The following RNF144A variants were observed in gnomAD, a reference collection of about 807,000 sequenced individuals.
RNF144A encodes the protein ring finger protein 144A, also known as E3 ubiquitin-protein ligase RNF144A.
Under a neutral mutation model 38.7 loss-of-function variants are expected in RNF144A, and 11 were observed. That is an observed-to-expected ratio of 0.28 (90% confidence interval 0.18 to 0.47). The LOEUF is 0.47. Among genes scored for constraint, RNF144A ranks in the 20% least tolerant of loss-of-function variants. RNF144A has a pLI of 0.99. For missense variants in RNF144A, 316 were observed against 377.2 expected, an observed-to-expected ratio of 0.84 and a Z score of 1.34; for synonymous variants, 149 against 143.9, an observed-to-expected ratio of 1.04 and a Z score of -0.25.
chr2:6,928,406 G>A (rs981743719), intron 1 of RNF144A, among the ~76,000 whole-genome samples: 8 of 152,168 alleles, frequency 5.3e-5, no homozygotes, highest in Non-Finnish European at 1.2e-4. Flanking sequence ...TCAGCGGTCA[G>A]GGCAGATGGC....
At position 6,997,055 on chromosome 2, in the gene RNF144A, T is replaced by C. The variant is rs751864457; in HGVS notation, c.129T>C (p.Cys43=). The C allele has an allele frequency of 3.7e-6, 6 of 1,614,034 alleles. No individual in the cohort carries two copies. Among genetic ancestry groups the C allele is most frequent in the Non-Finnish European group, 5.1e-6 (6 of 1,179,970 alleles). ...TAGCCCAGTGCCAATGCATCTTCTG[T>C]ACTCTGGTTGGTCTTTTTGGATAAA... ...TTIAQCQCIF[C]TLCLKQYVEL... is the part of the protein sequence containing the mutation. Residue 43 remains cysteine, a synonymous_variant, in exon 3 of 9, where the codon TGT becomes TGC. Transcript: ENST00000320892.
chr2:6,986,949 C>G (rs1325739037), intron 2 of RNF144A, among the ~76,000 whole-genome samples: 1 of 152,088 alleles, frequency 6.6e-6, no homozygotes, highest in Non-Finnish European at 1.5e-5. Context: ...GCATTACTCT[C>G]TGGTAGCCGA....
chr2:6,948,620 A>G (rs1666487955), intron 2 of RNF144A, among the ~76,000 whole-genome samples: 2 of 152,204 alleles, frequency 1.3e-5, no homozygotes, highest in African/African-American at 4.8e-5. Context: ...TGCCTGATAA[A>G]AATTTAGGAG....
chr2:6,968,535 G>C (rs536701004), intron 2 of RNF144A, among the ~76,000 whole-genome samples: 1 of 152,320 alleles, frequency 6.6e-6, no homozygotes, highest in East Asian at 1.9e-4. Context: ...CAGCAGTCCT[G>C]GGGGCCTATG....
At chr2:7,051,044 CG>C (rs939702671) in intron 6 of RNF144A, among the ~76,000 whole-genome samples, 1 of 152,212 alleles carries the variant, frequency 6.6e-6, no homozygotes, top group Non-Finnish European at 1.5e-5. Flanking sequence ...TGCAAATGCA[CG>C]GAGACATCAC....
chr2:7,002,455 G>A lies in RNF144A; in HGVS notation c.135+5394G>A, dbSNP rs532771079. On this transcript the variant is annotated intron_variant, in intron 3 of 8. Transcript: ENST00000320892. ...AGTGAATTCTGCCAGAAGTACTCAG[G>A]AAGGCTTCAGGGGCATTTGAACTAT... Among the ~76,000 whole-genome samples, 3 of 152,306 alleles carry A rather than the reference G, an allele frequency of 2.0e-5. No homozygotes were observed. The South Asian group carries it at 6.2e-4, about 32-fold the overall frequency.
chr2:7,028,971 A>G (rs140594669), intron 7 of RNF144A, among the ~76,000 whole-genome samples: 270 of 152,284 alleles, frequency 1.8e-3, no homozygotes, highest in Middle Eastern at 0.01. Flanking sequence ...GCTTGACCCC[A>G]AAAATCAGGA....
At chr2:6,925,558 A>C (rs1664804241) in intron 1 of RNF144A, among the ~76,000 whole-genome samples, 1 of 152,140 alleles carries the variant, frequency 6.6e-6, no homozygotes, top group East Asian at 1.9e-4. Context: ...CAAGGACAGA[A>C]GCAGGCAGGA....
In RNF144A at chr2:7,042,823, G is replaced by C; in HGVS notation, c.*3063G>C. ...TCTTCCTCCTCAACTCATAGGAGTA[G>C]CTGTGGACAGAGGAACCAACATCTG... On this transcript the variant is annotated 3_prime_UTR_variant, in exon 9 of 9. Transcript: ENST00000320892. 1 of 985,454 alleles carries C rather than the reference G, an allele frequency of 1.0e-6. No homozygotes were observed. The highest frequency in any genetic ancestry group is 1.2e-6 in the Non-Finnish European group (1 of 829,942). The allele number at this position is 985,454 out of a possible 1,614,324, so 61.0% of individuals were successfully genotyped here.
intron 5 of RNF144A, among the ~76,000 whole-genome samples, chr2:7,016,120 AAAG>A (rs1483157520): frequency 0.018 from 2,639 of 150,418 alleles, 87 homozygotes; most frequent in African/African-American, 0.062. Context: ...AAAAAAAAAA[AAAG>A]AAAGAAAAAG....
intron 2 of RNF144A, among the ~76,000 whole-genome samples, chr2:6,965,551 C>A (rs142496962): frequency 1.4e-4 from 21 of 152,052 alleles, no homozygotes; most frequent in South Asian, 2.1e-4. Flanking sequence ...AAAACCTAAG[C>A]GCAAACAGCG....
intron 6 of RNF144A, among the ~76,000 whole-genome samples, chr2:7,066,908 T>G (rs1674255532): frequency 6.6e-6 from 1 of 152,208 alleles, no homozygotes; most frequent in Admixed American, 6.5e-5. Context: ...TTAAAAGGCT[T>G]TTAACTGTTT....
intron 8 of RNF144A, among the ~76,000 whole-genome samples, chr2:7,030,850 T>C (rs553349614): frequency 2.6e-5 from 4 of 152,022 alleles, no homozygotes; most frequent in Admixed American, 2.6e-4. Flanking sequence ...CCTGAGCTTG[T>C]TTTCCTGCAA....
intron 6 of RNF144A, among the ~76,000 whole-genome samples, chr2:7,056,826 G>T (rs309279): frequency 6.6e-6 from 1 of 151,986 alleles, no homozygotes; most frequent in Non-Finnish European, 1.5e-5. Flanking sequence ...TGGCTTCCTT[G>T]TTTGTGTATC....
rs1037811427 is a variant in RNF144A at position 6,939,001 on chromosome 2, C to T, written c.-211-1947C>T. On this transcript the variant is annotated intron_variant, in intron 1 of 8. Coordinates refer to ENST00000320892, the MANE Select transcript of RNF144A (RefSeq NM_014746.6). ...TTCACTAGTTGATGGACATATGGGT[C>T]GTTTTCACTTTTTGGCTATTATGAA... 5.9e-5 allele frequency among the ~76,000 whole-genome samples: 9 copies of T among 151,894 alleles called. No homozygotes were observed. The East Asian group carries it at 1.4e-3, about 23-fold the overall frequency.
intron 6 of RNF144A, among the ~76,000 whole-genome samples, chr2:7,067,466 T>G (rs1674280097): frequency 6.6e-6 from 1 of 152,170 alleles, no homozygotes; most frequent in South Asian, 2.1e-4. Context: ...TTGAAGAGGC[T>G]TCAAGCTCAG....
At chr2:7,074,837 A>C in the RNF144A span, 1 of 152,462 alleles carries the variant, frequency 6.6e-6, no homozygotes, top group Non-Finnish European at 1.5e-5. Flanking sequence ...AGAAAGAAGG[A>C]GGGGGGGAAG....
intron 2 of RNF144A, among the ~76,000 whole-genome samples, chr2:6,942,938 C>G (rs1323583786): frequency 6.6e-6 from 1 of 152,072 alleles, no homozygotes. Flanking sequence ...GAGCTGAGTT[C>G]GTGGCATTGC....
At chr2:7,060,497 C>A (rs1216695644) in intron 6 of RNF144A, among the ~76,000 whole-genome samples, 2 of 152,182 alleles carry the variant, frequency 1.3e-5, no homozygotes, top group African/African-American at 4.8e-5. Context: ...GACTAACATT[C>A]CAATGCCCTT....
Sources: allele counts gnomAD v4.1 joint callset (sites outside exome capture counted in the v4.1 genomes callset), GRCh38; gene constraint gnomAD v4.1.1; transcripts MANE v1.5; gene names NCBI Gene and HGNC (gene_info 2026-07-23, HGNC 2026-07-21).